VWF: variants seen among roughly 807,000 people sequenced by gnomAD.
VWF encodes Factor VIII related antigen.
In VWF, 176 loss-of-function variants were observed where a neutral mutation model predicts 308.6. That is an observed-to-expected ratio of 0.57 (90% CI 0.50 to 0.65). The LOEUF is 0.65. VWF is among the 30% of genes least tolerant of loss of function. VWF has a pLI of 0.00. For synonymous variants in VWF, 1,385 were observed against 1,443.4 expected, an observed-to-expected ratio of 0.96 and a Z score of 0.92; for missense variants, 3,146 against 3,648.2, an observed-to-expected ratio of 0.86 and a Z score of 3.55.
intron 13 of VWF, among the ~76,000 whole-genome samples, chr12:6,062,331 A>C (rs1944663412): frequency 6.6e-6 from 1 of 151,960 alleles, no homozygotes; most frequent in African/African-American, 2.4e-5. Context: ...GAAGTTCTGG[A>C]GTGCTGCACC....
intron 50 of VWF, among the ~76,000 whole-genome samples, chr12:5,951,204 G>A (rs1035402519): frequency 3.9e-5 from 6 of 152,180 alleles, no homozygotes; most frequent in Non-Finnish European, 7.3e-5. Flanking sequence ...GAAGAACACT[G>A]TCTGATGTGC....
chr12:6,094,135 C>A (rs555082868), intron 6 of VWF, among the ~76,000 whole-genome samples: 1 of 152,316 alleles, frequency 6.6e-6, no homozygotes, highest in African/African-American at 2.4e-5. Flanking sequence ...CTGGAAGGAG[C>A]AAAGCCAGCC....
intron 3 of VWF, among the ~76,000 whole-genome samples, chr12:6,116,634 C>T (rs1048807823): frequency 1.3e-5 from 2 of 152,158 alleles, no homozygotes; most frequent in Non-Finnish European, 1.5e-5. Flanking sequence ...GCAGTCTCTA[C>T]GGAGGAGCAG....
At chr12:6,101,659 C>T (rs1591918353) in intron 5 of VWF, among the ~76,000 whole-genome samples, 1 of 151,934 alleles carries the variant, frequency 6.6e-6, no homozygotes, top group South Asian at 2.1e-4. Context: ...GCCTGTAGTC[C>T]CAGTTATTCA....
At position 6,019,593 on chromosome 12, in the gene VWF, T is replaced by A; in HGVS notation, c.3825A>T (p.Leu1275=). 3 of 1,613,960 alleles carry A rather than the reference T, an allele frequency of 1.9e-6. No individual in the cohort carries two copies. Among genetic ancestry groups the A allele is most frequent in the Non-Finnish European group, 2.5e-6 (3 of 1,179,852 alleles). ...CATCCAGCAGGAAGACCAGGTCCAG[T>A]AGCCTGCTGCAGTAGAAATCGTGCA... ...PPLHDFYCSR[L]LDLVFLLDGS... The change falls in exon 28 of 52, where the codon CTA becomes CTT. Residue 1275 remains leucine, a synonymous_variant. Transcript: ENST00000261405. The surrounding 1 kb of genome is among the most constrained non-coding windows in gnomAD (Gnocchi z 5.8).
At chr12:6,057,444 T>C (rs867125844) in intron 14 of VWF, among the ~76,000 whole-genome samples, 3 of 148,050 alleles carry the variant, frequency 2.0e-5, no homozygotes, top group African/African-American at 7.4e-5. Context: ...TCCCAAGTAG[T>C]TGGGATTACA....
rs758602086 is a variant in VWF, at chr12:6,025,881, T to C, written c.3108+25A>G. On this transcript the variant is annotated intron_variant, in intron 23 of 51. Coordinates refer to ENST00000261405, the MANE Select transcript of VWF (RefSeq NM_000552.5). ...TTCCAGGAAGCAAGCTCTAGGGCTCTGTCCACACAGAGACCCAGACGTACT... is the reference window on the plus strand; with the variant it reads ...TTCCAGGAAGCAAGCTCTAGGGCTCCGTCCACACAGAGACCCAGACGTACT... The C allele has an allele frequency of 3.3e-5, 53 of 1,613,748 alleles. 1 individual carries two copies. The Middle Eastern group carries it at 5.0e-4, about 15-fold the overall frequency.
chr12:6,077,838 A>T (rs142171060), intron 6 of VWF, among the ~76,000 whole-genome samples: 93 of 152,288 alleles, frequency 6.1e-4, no homozygotes, highest in African/African-American at 2.1e-3. Flanking sequence ...AGAGGTGGGC[A>T]GGCCTGCCTT....
At chr12:6,003,290 G>A (rs216807) in intron 34 of VWF, among the ~76,000 whole-genome samples, 85,808 of 151,960 alleles carry the variant, frequency 0.56, 24,554 homozygotes, top group East Asian at 0.74. Context: ...TGAACACACA[G>A]TGTATAAAGA....
At chr12:5,954,631 T>A (rs975434505) in intron 47 of VWF, among the ~76,000 whole-genome samples, 11 of 152,176 alleles carry the variant, frequency 7.2e-5, no homozygotes, top group Non-Finnish European at 1.6e-4. Flanking sequence ...AAAGAGGAAG[T>A]CAGAAACAAG....
intron 47 of VWF, among the ~76,000 whole-genome samples, chr12:5,956,457 T>C (rs1360533266): frequency 6.6e-6 from 1 of 152,088 alleles, no homozygotes; most frequent in Non-Finnish European, 1.5e-5. Flanking sequence ...TGCGTAGGCC[T>C]AGACTACTGT....
chr12:6,016,987 AG>A (rs1251589208), intron 28 of VWF, 117 bp from the exon 29 acceptor site: 13 of 1,102,294 alleles, frequency 1.2e-5, no homozygotes, highest in Middle Eastern at 2.3e-4. Flanking sequence ...GGCACCACCA[AG>A]GGGGGCGGGG....
At position 6,016,212 on chromosome 12, in the gene VWF, C is replaced by G. The variant is rs1346169007; in HGVS notation, c.5332G>C (p.Val1778Leu). 1.9e-6 allele frequency: 3 copies of G among 1,614,078 alleles called. No homozygotes were observed. In the African/African-American group the frequency reaches 4.0e-5, roughly 22 times the overall value. ...SQIGDALGFA[V>L]RYLTSEMHGA... is the part of the protein sequence containing the mutation. ...TGCATTTCTGAAGTCAAGTATCGCA[C>G]AGCAAAGCCCAAGGCATCCCCTGAG... The change falls in exon 31 of 52, where the codon GTG (valine) becomes CTG (leucine). Residue 1778 changes from valine (V) to leucine (L), a missense_variant. Transcript: ENST00000261405.
intron 50 of VWF, among the ~76,000 whole-genome samples, chr12:5,950,301 G>T (rs1160719819): frequency 6.6e-6 from 1 of 152,082 alleles, no homozygotes; most frequent in Non-Finnish European, 1.5e-5. Context: ...TCCTGCCTTG[G>T]GGTAAGAGGA....
intron 41 of VWF, 141 bp downstream of exon 41, chr12:5,983,009 C>G (rs138363865): frequency 2.4e-6 from 2 of 838,342 alleles, no homozygotes; most frequent in South Asian, 1.5e-5. Context: ...CCCCTCTGTT[C>G]CAGATGTACT....
intron 42 of VWF, among the ~76,000 whole-genome samples, chr12:5,979,536 G>C (rs149227306): frequency 6.6e-6 from 1 of 152,046 alleles, no homozygotes; most frequent in Non-Finnish European, 1.5e-5. Context: ...TGGATCACAA[G>C]GTCAAGAGAT....
chr12:5,972,810 C>T (rs923700090), intron 43 of VWF, among the ~76,000 whole-genome samples: 3 of 152,128 alleles, frequency 2.0e-5, no homozygotes, highest in African/African-American at 7.2e-5. Context: ...AATCTGTGTA[C>T]ACACCCTCCA....
intron 5 of VWF, 139 bp downstream of exon 5, chr12:6,110,235 G>T: frequency 1.1e-6 from 1 of 927,490 alleles, no homozygotes; most frequent in Non-Finnish European, 1.8e-6. Context: ...AATGCAAAGA[G>T]ATAAGGTTGG....
intron 10 of VWF, among the ~76,000 whole-genome samples, 178 bp from the exon 11 acceptor site, chr12:6,065,451 G>C (rs1944703360): frequency 6.6e-6 from 1 of 152,228 alleles, no homozygotes; most frequent in Admixed American, 6.5e-5. Context: ...TCCTAAAACT[G>C]CAAGATGTCA....
Sources: gnomAD v4.1 joint callset for allele counts (sites outside exome capture counted in the v4.1 genomes callset) on GRCh38, gnomAD v4.1.1 for gene constraint, Gnocchi (gnomAD v3.1) non-coding constraint, MANE v1.5 for transcripts, NCBI Gene and HGNC (gene_info 2026-07-23, HGNC 2026-07-21) for gene names.